TECPR2: variants seen among roughly 807,000 people sequenced by gnomAD.
TECPR2 encodes tectonin beta-propeller repeat-containing protein 2.
A neutral mutation model predicts 138.1 loss-of-function variants in TECPR2; 65 were observed. The observed-to-expected ratio is 0.47, with a 90% CI of 0.39 to 0.58. The LOEUF (loss-of-function observed/expected upper bound fraction) is 0.58, where lower values mean the gene tolerates loss of function less well. Among genes scored for constraint, TECPR2 ranks in the 20% least tolerant of loss-of-function variants. The pLI, the probability that TECPR2 is intolerant of heterozygous loss-of-function variation, is 0.00. For missense variants in TECPR2, 1,553 were observed against 1,824.5 expected (o/e 0.85, Z 2.71); for synonymous variants, 746 against 749.8 (o/e 0.99, Z 0.08).
rs141995426 is a variant in TECPR2, at chr14:102,373,615, T to G, written c.-72-3035T>G. Among the ~76,000 whole-genome samples, 438 of 152,350 alleles carry G rather than the reference T, an allele frequency of 2.9e-3. 2 individuals carry two copies. The highest frequency in any genetic ancestry group is 5.1e-3 in the Non-Finnish European group (347 of 68,040). On this transcript the variant is annotated intron_variant, in intron 1 of 19. Transcript: ENST00000359520. Reference sequence around the variant, plus strand: ...ACCCCATTGTAAGTTGAGGAGCATCTGTAAAAACATTAGCTATTCCCATTA... The same window carrying G: ...ACCCCATTGTAAGTTGAGGAGCATCGGTAAAAACATTAGCTATTCCCATTA...
At chr14:102,491,859 C>G (rs1474607956) in intron 17 of TECPR2, among the ~76,000 whole-genome samples, 2 of 152,210 alleles carry the variant, frequency 1.3e-5, no homozygotes, top group African/African-American at 4.8e-5. Context: ...TGGGCAGAAA[C>G]AAGTGTTTTG....
chr14:102,439,699 C>T (rs983814383), intron 10 of TECPR2, among the ~76,000 whole-genome samples: 6 of 152,224 alleles, frequency 3.9e-5, no homozygotes, highest in African/African-American at 1.4e-4. Context: ...GTCCCATGTC[C>T]TTGGTGGGCA....
Position 102,428,226 on chromosome 14 carries a change from T to TTG in TECPR2, c.952-23_952-22insGT. 5 of 1,145,258 alleles carry TTG rather than the reference T, an allele frequency of 4.4e-6. No homozygotes were observed. The African/African-American group carries it at 4.9e-5, about 11-fold the overall frequency. 70.9% of individuals were successfully genotyped at this position (1,145,258 alleles called of 1,614,324 possible). A position where few individuals can be genotyped will look rare whatever the true frequency, so the allele number is the denominator to read the frequency against. ...TTGTTTAGTTTTGTGTTTTTTGTTT[T>TTG]TTTTTTTTTTTTTTTTTTGACAGGC... On this transcript the variant is annotated intron_variant, in intron 6 of 19. Transcript: ENST00000359520.
chr14:102,497,529 G>A (rs942469677), intron 18 of TECPR2, 41 bp from the exon 19 acceptor site: 40 of 1,482,266 alleles, frequency 2.7e-5, no homozygotes, highest in East Asian at 5.0e-5. Flanking sequence ...GGCCCATCCC[G>A]TCCATGGCAG....
chr14:102,410,665 A>G (rs1888819654), intron 4 of TECPR2, among the ~76,000 whole-genome samples: 3 of 152,232 alleles, frequency 2.0e-5, no homozygotes, highest in Non-Finnish European at 4.4e-5. Context: ...CCCCAGTCTC[A>G]TTCCGGACAC....
At chr14:102,428,177 T>G in intron 6 of TECPR2, 73 bp from the exon 7 acceptor site, 1 of 1,463,292 alleles carries the variant, frequency 6.8e-7, no homozygotes, top group Non-Finnish European at 9.0e-7. Flanking sequence ...CACACATGCA[T>G]TTTTATGCTT....
intron 14 of TECPR2, 147 bp from the exon 15 acceptor site, chr14:102,450,413 T>G: frequency 2.7e-6 from 2 of 737,360 alleles, no homozygotes; most frequent in Middle Eastern, 4.8e-4. Flanking sequence ...TGTTAGGCTG[T>G]GATTGCTCAT....
intron 17 of TECPR2, among the ~76,000 whole-genome samples, chr14:102,487,610 G>C (rs1224117772): frequency 1.3e-5 from 2 of 151,844 alleles, no homozygotes; most frequent in East Asian, 1.9e-4. Flanking sequence ...GGCGCAATCT[G>C]GGCTCACTGC....
At chr14:102,428,923 C>A (rs1233906374) in intron 7 of TECPR2, among the ~76,000 whole-genome samples, 2 of 151,588 alleles carry the variant, frequency 1.3e-5, no homozygotes, top group Non-Finnish European at 2.9e-5. Context: ...TCTCAGCTCA[C>A]CGCAACCTCT....
chr14:102,395,768 G>A (rs1407832102), intron 2 of TECPR2, among the ~76,000 whole-genome samples: 14 of 152,090 alleles, frequency 9.2e-5, no homozygotes, highest in East Asian at 1.9e-4. Flanking sequence ...GTGGCACTCC[G>A]GCCTGGGCGA....
intron 6 of TECPR2, among the ~76,000 whole-genome samples, chr14:102,426,531 A>C (rs1000941979): frequency 6.6e-6 from 1 of 152,144 alleles, no homozygotes; most frequent in Non-Finnish European, 1.5e-5. Context: ...CCTTTCTTTT[A>C]TAAGCAGAGC....
Position 102,435,222 on chromosome 14 carries a change from T to C in TECPR2, c.2394+11T>C. On this transcript the variant is annotated intron_variant, in intron 9 of 19. Coordinates refer to ENST00000359520, the MANE Select transcript of TECPR2 (RefSeq NM_014844.5). ...CTCAAGCCAGATCAGGTATGTGGGTTCGGGTGGTGGGAAAAGTAGCTGAGG... is the reference window on the plus strand; with the variant it reads ...CTCAAGCCAGATCAGGTATGTGGGTCCGGGTGGTGGGAAAAGTAGCTGAGG... 6.3e-7 allele frequency: 1 copy of C among 1,579,012 alleles called. No homozygotes were observed. The highest frequency in any genetic ancestry group is 8.6e-7 in the Non-Finnish European group (1 of 1,160,310).
chr14:102,454,794 C>T (rs989524859), intron 16 of TECPR2, among the ~76,000 whole-genome samples: 2 of 152,224 alleles, frequency 1.3e-5, no homozygotes, highest in African/African-American at 4.8e-5. Flanking sequence ...TGTTCACCTG[C>T]ACCATTTGGG....
intron 5 of TECPR2, among the ~76,000 whole-genome samples, chr14:102,421,217 A>G (rs1214809522): frequency 6.6e-6 from 1 of 152,200 alleles, no homozygotes; most frequent in Non-Finnish European, 1.5e-5. Flanking sequence ...CAGGAAAGGC[A>G]GAGGAAGAGA....
intron 16 of TECPR2, among the ~76,000 whole-genome samples, chr14:102,453,200 G>T (rs1447721780): frequency 6.6e-6 from 1 of 152,170 alleles, no homozygotes; most frequent in Non-Finnish European, 1.5e-5. Context: ...TGTAGGCCGG[G>T]CGCAGTGGCT....
At chr14:102,455,685 A>T (rs548035105) in intron 16 of TECPR2, among the ~76,000 whole-genome samples, 2 of 152,198 alleles carry the variant, frequency 1.3e-5, no homozygotes, top group African/African-American at 4.8e-5. Context: ...ATCTCGGCTC[A>T]CTGCAGCCTC....
At chr14:102,388,659 T>C (rs1204441722) in intron 2 of TECPR2, among the ~76,000 whole-genome samples, 3 of 151,370 alleles carry the variant, frequency 2.0e-5, no homozygotes, top group East Asian at 3.9e-4. Context: ...AAACCCTGTC[T>C]CTACTAAAAA....
At chr14:102,463,246 G>T (rs762456443) in intron 16 of TECPR2, among the ~76,000 whole-genome samples, 2 of 151,436 alleles carry the variant, frequency 1.3e-5, no homozygotes, top group Non-Finnish European at 3.0e-5. Context: ...GCAAAACCCT[G>T]TCTCTACTAA....
chr14:102,422,767 G>A (rs986835506), intron 5 of TECPR2, among the ~76,000 whole-genome samples: 7 of 152,182 alleles, frequency 4.6e-5, no homozygotes, highest in Non-Finnish European at 1.0e-4. Flanking sequence ...TTGGGTGACT[G>A]ATGATTTCTT....
Sources: allele counts gnomAD v4.1 joint callset (sites outside exome capture counted in the v4.1 genomes callset), GRCh38; gene constraint gnomAD v4.1.1; transcripts MANE v1.5; gene names NCBI Gene and HGNC (gene_info 2026-07-23, HGNC 2026-07-21).